Variants in PRUNE2 observed in about 807,000 individuals in gnomAD.
PRUNE2 encodes the protein prune homolog 2 with BCH domain, also known as protein prune homolog 2.
PRUNE2 carries 164 observed loss-of-function variants against 252.0 expected under a neutral mutation model. That is an observed-to-expected ratio of 0.65 (90% CI 0.57 to 0.74). The LOEUF is 0.74. Ranked by LOEUF, PRUNE2 falls within the 30% of genes least tolerant of loss-of-function variation. The pLI is 0.00. For missense variants in PRUNE2, 3,495 were observed against 3,711.0 expected (o/e 0.94, Z 1.51); for synonymous variants, 1,292 against 1,350.2 (o/e 0.96, Z 0.94).
chr9:76,803,793 C>T (rs2056735653), intron 6 of PRUNE2, among the ~76,000 whole-genome samples: 1 of 152,140 alleles, frequency 6.6e-6, no homozygotes, highest in Non-Finnish European at 1.5e-5. Context: ...GAAAACTTAG[C>T]ACTTCGCTGT....
intron 6 of PRUNE2, chr9:76,784,028 C>T (rs1027905536): frequency 6.6e-6 from 1 of 152,244 alleles, no homozygotes; most frequent in Non-Finnish European, 1.5e-5. Flanking sequence ...TATTGTCTGA[C>T]TGGCTCACTT....
Position 76,854,194 on chromosome 9 carries a change from G to C in PRUNE2, c.51C>G (p.Arg17=). ...RAKSKLNRSK[R]LEKVHVVIGP... ...CAATAACCACATGGACCTTCTCCAA[G>C]CGTTTGCTTCGATTCTGAAACAAAT... The change falls in exon 2 of 19, where the codon CGC becomes CGG. Residue 17 remains arginine, a synonymous_variant. Coordinates refer to ENST00000376718, the MANE Select transcript of PRUNE2 (RefSeq NM_015225.3). The C allele has an allele frequency of 6.3e-7, 1 of 1,589,378 alleles. No homozygotes were observed. The highest frequency in any genetic ancestry group is 1.7e-4 in the Middle Eastern group (1 of 6,002).
chr9:76,792,297 A>T (rs150665634), intron 6 of PRUNE2, among the ~76,000 whole-genome samples: 136 of 152,238 alleles, frequency 8.9e-4, no homozygotes, highest in Non-Finnish European at 5.4e-4. Flanking sequence ...AGATGTGACT[A>T]TGCTCCTCCT....
In PRUNE2 at chr9:76,664,155, T is replaced by C. The variant is rs985637374; in HGVS notation, c.8277-8653A>G. On this transcript the variant is annotated intron_variant, in intron 9 of 18. Coordinates refer to ENST00000376718, the MANE Select transcript of PRUNE2 (RefSeq NM_015225.3). ...GAACAGAATAAGGTGGAATGGATGG[T>C]AGGTGACTTCTAAGGCTAGGTCCTA... Among the ~76,000 whole-genome samples, 6 of 152,336 alleles carry C rather than the reference T, an allele frequency of 3.9e-5. No individual in the cohort carries two copies. The East Asian group carries it at 1.2e-3, about 29-fold the overall frequency.
chr9:76,622,972 TA>T (rs1833030124), intron 17 of PRUNE2, among the ~76,000 whole-genome samples: 1 of 152,210 alleles, frequency 6.6e-6, no homozygotes, highest in African/African-American at 2.4e-5. Flanking sequence ...GTTATTATAA[TA>T]AAAATGTACC....
intron 1 of PRUNE2, chr9:76,857,034 G>A (rs932917811): frequency 6.6e-5 from 30 of 455,518 alleles, no homozygotes; most frequent in South Asian, 2.0e-4. Flanking sequence ...GATTACAGGC[G>A]TGAGCCACCG....
At chr9:76,892,979 G>A (rs1286749865) in intron 1 of PRUNE2, among the ~76,000 whole-genome samples, 1 of 152,186 alleles carries the variant, frequency 6.6e-6, no homozygotes, top group African/African-American at 2.4e-5. Context: ...AACATTTTGA[G>A]AGGCCTAGGC....
intron 9 of PRUNE2, among the ~76,000 whole-genome samples, chr9:76,676,187 G>A (rs1426091010): frequency 6.6e-6 from 1 of 151,044 alleles, no homozygotes; most frequent in Non-Finnish European, 1.5e-5. Context: ...TTTAACCTGC[G>A]GCTGCAGATG....
At position 76,707,760 on chromosome 9, in the gene PRUNE2, G is replaced by A; in HGVS notation, c.4514C>T (p.Thr1505Ile). Residue 1505 changes from threonine to isoleucine, a missense_variant, in exon 8 of 19, where the codon ACA becomes ATA. By Grantham distance (89) the Thr-to-Ile change is moderately conservative (BLOSUM62 -1). Coordinates refer to ENST00000376718, the MANE Select transcript of PRUNE2 (RefSeq NM_015225.3). ...AAGATTTTTGGTTATCTCAGAACATGTGCTGCTGACATGCACATCACTGTC... is the reference window on the plus strand; with the variant it reads ...AAGATTTTTGGTTATCTCAGAACATATGCTGCTGACATGCACATCACTGTC... ...PIDSDVHVSS[T>I]CSEITKNLDV... The A allele has an allele frequency of 6.2e-7, 1 of 1,613,612 alleles. No individual in the cohort carries two copies. Among genetic ancestry groups the A allele is most frequent in the Non-Finnish European group, 8.5e-7 (1 of 1,179,682 alleles).
At chr9:76,801,459 C>A (rs1189463534) in intron 6 of PRUNE2, among the ~76,000 whole-genome samples, 3 of 151,978 alleles carry the variant, frequency 2.0e-5, no homozygotes, top group Non-Finnish European at 4.4e-5. Context: ...AAAATGATTT[C>A]TTTAATAAGA....
intron 6 of PRUNE2, among the ~76,000 whole-genome samples, chr9:76,821,209 T>G (rs1339151938): frequency 4.6e-5 from 7 of 152,234 alleles, no homozygotes; most frequent in Admixed American, 4.6e-4. Flanking sequence ...TGACCATGCT[T>G]TGGAGGATGA....
At chr9:76,870,097 TA>T (rs1476019278) in intron 1 of PRUNE2, among the ~76,000 whole-genome samples, 11 of 151,994 alleles carry the variant, frequency 7.2e-5, no homozygotes, top group Non-Finnish European at 1.5e-4. Flanking sequence ...GGACTTTGAA[TA>T]AAAAAATACA....
In PRUNE2 at chr9:76,823,804, G is replaced by A. The variant is rs560743889; in HGVS notation, c.662-78C>T. The stretch of plus-strand genomic sequence containing the variant: ...TTGTAATATCAAGCGATGTTTTGAA[G>A]AATTTACTCTGTAAATTTCATTCTT... On this transcript the variant is annotated intron_variant, in intron 5 of 18. Coordinates refer to ENST00000376718, the MANE Select transcript of PRUNE2 (RefSeq NM_015225.3). 1.1e-3 allele frequency: 871 copies of A among 816,178 alleles called. 1 individual carries two copies. The highest frequency in any genetic ancestry group is 1.5e-3 in the Non-Finnish European group (756 of 489,812). 50.6% of individuals were successfully genotyped at this position (816,178 alleles called of 1,614,324 possible). A position where few individuals can be genotyped will look rare whatever the true frequency, so the allele number is the denominator to read the frequency against.
chr9:76,623,589 G>C (rs957971229), intron 17 of PRUNE2, among the ~76,000 whole-genome samples: 4 of 152,118 alleles, frequency 2.6e-5, no homozygotes, highest in African/African-American at 7.2e-5. Flanking sequence ...CTTTCTATTG[G>C]TTGGGCTATT....
chr9:76,702,402 C>T (rs542445139), intron 9 of PRUNE2, among the ~76,000 whole-genome samples: 1 of 152,096 alleles, frequency 6.6e-6, no homozygotes, highest in Non-Finnish European at 1.5e-5. Context: ...CATGACTTTC[C>T]CCGTTACTTA....
chr9:76,641,745 C>G (rs1347464783), intron 12 of PRUNE2, among the ~76,000 whole-genome samples: 2 of 144,456 alleles, frequency 1.4e-5, no homozygotes, highest in Admixed American at 1.4e-4. Flanking sequence ...CAACCCCCCC[C>G]CAGGAGTCTC....
At chr9:76,782,770 T>C (rs538129006) in intron 6 of PRUNE2, 1 of 152,198 alleles carries the variant, frequency 6.6e-6, no homozygotes, top group Admixed American at 6.5e-5. Flanking sequence ...TGGATCACCA[T>C]CGACGGCACT....
intron 6 of PRUNE2, among the ~76,000 whole-genome samples, chr9:76,758,143 T>C (rs531597437): frequency 5.3e-5 from 8 of 152,320 alleles, no homozygotes; most frequent in African/African-American, 1.9e-4. Flanking sequence ...GTAAAAGAGA[T>C]GAAAATAACT....
At chr9:76,768,636 G>A (rs569022267) in intron 6 of PRUNE2, among the ~76,000 whole-genome samples, 1 of 148,226 alleles carries the variant, frequency 6.7e-6, no homozygotes, top group East Asian at 2.0e-4. Context: ...TATCCCTGCT[G>A]ACTAGATCAT....
Sources: allele counts gnomAD v4.1 joint callset (sites outside exome capture counted in the v4.1 genomes callset), GRCh38; gene constraint gnomAD v4.1.1; transcripts MANE v1.5; gene names NCBI Gene and HGNC (gene_info 2026-07-23, HGNC 2026-07-21).